The following ZC3H7B variants were observed in gnomAD, a reference collection of about 807,000 sequenced individuals.
The protein encoded by ZC3H7B is zinc finger CCCH domain-containing protein 7B.
ZC3H7B carries 35 observed loss-of-function variants against 116.0 expected under a neutral mutation model. That is an observed-to-expected ratio of 0.30 (90% CI 0.23 to 0.40). ZC3H7B has a LOEUF of 0.40. Among genes scored for constraint, ZC3H7B ranks in the 10% least tolerant of loss-of-function variants. The pLI is 1.00. For missense variants in ZC3H7B, 1,011 were observed against 1,321.5 expected, an observed-to-expected ratio of 0.77 and a Z score of 3.64; for synonymous variants, 502 against 545.6, an observed-to-expected ratio of 0.92 and a Z score of 1.11.
rs1276696569 is a variant in ZC3H7B, at chr22:41,357,665, C to T, written c.*236C>T. 3 of 595,452 alleles carry T rather than the reference C, an allele frequency of 5.0e-6. No homozygotes were observed. In the East Asian group the frequency reaches 8.6e-5, roughly 17 times the overall value. 36.9% of individuals were successfully genotyped at this position (595,452 alleles called of 1,614,324 possible). A position where few individuals can be genotyped will look rare whatever the true frequency, so the allele number is the denominator to read the frequency against. On this transcript the variant is annotated 3_prime_UTR_variant, in exon 23 of 23. Coordinates refer to ENST00000352645, the MANE Select transcript of ZC3H7B (RefSeq NM_017590.6). The surrounding 1 kb of genome is among the most constrained non-coding windows in gnomAD (Gnocchi z 5.4). ...AAACCTGGGCTGCCCTTCCCCCACC[C>T]CCACGGCTCTCCTGGTTGAGGAGGG...
chr22:41,324,471 G>A (rs921736843), intron 2 of ZC3H7B, among the ~76,000 whole-genome samples: 3 of 152,216 alleles, frequency 2.0e-5, no homozygotes, highest in Non-Finnish European at 4.4e-5. Context: ...AGCCTTGGGC[G>A]AGTCCTTGCG....
chr22:41,305,311 C>A (rs961609258), intron 1 of ZC3H7B, among the ~76,000 whole-genome samples: 1 of 151,116 alleles, frequency 6.6e-6, no homozygotes, highest in Non-Finnish European at 1.5e-5. Flanking sequence ...CCACTGCACT[C>A]CAGCCTGGGC....
At chr22:41,308,269 G>A (rs1263841516) in intron 1 of ZC3H7B, among the ~76,000 whole-genome samples, 3 of 152,076 alleles carry the variant, frequency 2.0e-5, no homozygotes, top group African/African-American at 7.2e-5. Flanking sequence ...TTTAGAGGTC[G>A]CCCTGGTTCA....
intron 1 of ZC3H7B, among the ~76,000 whole-genome samples, chr22:41,313,824 C>T (rs1471142268): frequency 6.6e-6 from 1 of 152,028 alleles, no homozygotes; most frequent in East Asian, 1.9e-4. Flanking sequence ...CTCACAGCAA[C>T]TTCCTTCGGT....
At chr22:41,354,523 G>T (rs181877719) in intron 17 of ZC3H7B, among the ~76,000 whole-genome samples, 2 of 152,282 alleles carry the variant, frequency 1.3e-5, no homozygotes, top group Admixed American at 1.3e-4. Context: ...CTGTGGGGGA[G>T]TTCCTATGGC....
In ZC3H7B at chr22:41,351,241, C is replaced by CA. The variant is rs1311568199; in HGVS notation, c.1949-319dup. ...TGGGGGTCAGGGAAGGGTGCTGAGT[C>CA]ACCGGCCCAAGAGACAGGGTCACTG... On this transcript the variant is annotated intron_variant, in intron 16 of 22. Coordinates refer to ENST00000352645, the MANE Select transcript of ZC3H7B (RefSeq NM_017590.6). The surrounding 1 kb of genome is among the most constrained non-coding windows in gnomAD (Gnocchi z 5.1). Among the ~76,000 whole-genome samples the CA allele has an allele frequency of 2.6e-5, 4 of 152,284 alleles. No homozygotes were observed. In the Middle Eastern group the frequency reaches 0.01, roughly 388 times the overall value.
chr22:41,359,495 A>T lies in ZC3H7B; in HGVS notation c.*2066A>T, dbSNP rs1435135065. ...TCAGAGGTGATTCGGGCAGCCAGGG[A>T]CAGGAGCCACCCTCCCCAGGCCCAA... On this transcript the variant is annotated 3_prime_UTR_variant, in exon 23 of 23. Coordinates refer to ENST00000352645, the MANE Select transcript of ZC3H7B (RefSeq NM_017590.6). The T allele has an allele frequency of 6.6e-6, 1 of 152,174 alleles. No individual in the cohort carries two copies. The highest frequency in any genetic ancestry group is 6.5e-5 in the Admixed American group (1 of 15,268). 9.4% of individuals were successfully genotyped at this position (152,174 alleles called of 1,614,324 possible). A position where few individuals can be genotyped will look rare whatever the true frequency, so the allele number is the denominator to read the frequency against.
rs765018176 is a variant in ZC3H7B, at chr22:41,327,856, G to T, written c.444+492G>T. On this transcript the variant is annotated intron_variant, in intron 5 of 22. Transcript: ENST00000352645. This position sits in a 1 kb window ranked among gnomAD's most constrained non-coding sequence, Gnocchi z 4.5. ...GACCCTTTCTTGGCCAGACACAGTG[G>T]CTCATGCCTGTAATCCCAGCACTGT... 7.2e-5 allele frequency among the ~76,000 whole-genome samples: 11 copies of T among 152,236 alleles called. No individual in the cohort carries two copies. The highest frequency in any genetic ancestry group is 1.3e-4 in the Non-Finnish European group (9 of 68,050).
chr22:41,309,121 C>T (rs916256566), intron 1 of ZC3H7B, among the ~76,000 whole-genome samples: 4 of 148,832 alleles, frequency 2.7e-5, no homozygotes, highest in Non-Finnish European at 5.9e-5. Flanking sequence ...ATGCCATTCT[C>T]CTGCCTCAGC....
intron 1 of ZC3H7B, among the ~76,000 whole-genome samples, chr22:41,303,958 C>T (rs985738478): frequency 6.6e-6 from 1 of 152,186 alleles, no homozygotes; most frequent in South Asian, 2.1e-4. Flanking sequence ...GGGGTTTCAC[C>T]GTGTTAGCCA....
chr22:41,309,008 CT>C lies in ZC3H7B; in HGVS notation c.-7+7257del, dbSNP rs57147100. On this transcript the variant is annotated intron_variant, in intron 1 of 22. Transcript: ENST00000352645. ...GGGCCTTCCCTAAACTCCCAGTCTG[CT>C]TTTTTTTTTTTTTTTTTTTTGAGAC... Among the ~76,000 whole-genome samples the C allele has an allele frequency of 3.1e-3, 325 of 103,284 alleles. 1 individual carries two copies. The highest frequency in any genetic ancestry group is 3.8e-3 in the Non-Finnish European group (197 of 51,566). The allele number at this position is 103,284 out of a possible 152,430, so 67.8% of individuals were successfully genotyped here. A position where few individuals can be genotyped will look rare whatever the true frequency, so the allele number is the denominator to read the frequency against.
intron 5 of ZC3H7B, among the ~76,000 whole-genome samples, chr22:41,329,331 T>C (rs1601777222): frequency 6.8e-6 from 1 of 147,448 alleles, no homozygotes; most frequent in African/African-American, 2.5e-5. Flanking sequence ...CAGTCTTGGC[T>C]CACTGCAACC....
Position 41,355,460 on chromosome 22 carries a change from C to A in ZC3H7B, c.2035-9C>A. The A allele has an allele frequency of 6.2e-7, 1 of 1,613,658 alleles. No homozygotes were observed. Among genetic ancestry groups the A allele is most frequent in the Middle Eastern group, 1.7e-4 (1 of 6,056 alleles). On this transcript the variant is annotated splice_polypyrimidine_tract_variant and intron_variant, in intron 17 of 22. Coordinates refer to ENST00000352645, the MANE Select transcript of ZC3H7B (RefSeq NM_017590.6). The stretch of plus-strand genomic sequence containing the variant: ...AGCTTCACCAACCCCCCTCCCCATC[C>A]CCCCACAGGGTGCTCCGAGGACACA...
In ZC3H7B at chr22:41,357,762, G is replaced by A. The variant is rs1239952318; in HGVS notation, c.*333G>A. On this transcript the variant is annotated 3_prime_UTR_variant, in exon 23 of 23. Transcript: ENST00000352645. This position sits in a 1 kb window ranked among gnomAD's most constrained non-coding sequence, Gnocchi z 5.4. ...TGTCTGCTCCTAATGGGGGCCCAAAGCTCAGGGCTGGGGAGCCTGGGGTCC... is the reference window on the plus strand; with the variant it reads ...TGTCTGCTCCTAATGGGGGCCCAAAACTCAGGGCTGGGGAGCCTGGGGTCC... 1 of 358,620 alleles carries A rather than the reference G, an allele frequency of 2.8e-6. No homozygotes were observed. The highest frequency in any genetic ancestry group is 5.2e-6 in the Non-Finnish European group (1 of 191,092). 22.2% of individuals were successfully genotyped at this position (358,620 alleles called of 1,614,324 possible).
intron 17 of ZC3H7B, among the ~76,000 whole-genome samples, chr22:41,352,757 G>A (rs1306887716): frequency 5.3e-5 from 8 of 151,554 alleles, no homozygotes; most frequent in South Asian, 4.2e-4. Context: ...GTGAGACTCC[G>A]TCTCAAAAAA....
In ZC3H7B at chr22:41,348,115, T is replaced by C. The variant is rs1471858741; in HGVS notation, c.1714T>C (p.Ser572Pro). The change falls in exon 15 of 23, where the codon TCT (serine) becomes CCT (proline). Residue 572 changes from serine to proline, a missense_variant. This residue lies in a region of ZC3H7B where 406 missense variants were observed against 590.2 expected (regional missense o/e 0.69). Coordinates refer to ENST00000352645, the MANE Select transcript of ZC3H7B (RefSeq NM_017590.6). ...GATCATCAGCAAAGGCACCAAGGAC[T>C]CTCCGTCTGTCTGCTCCAACCTGGC... is the stretch of plus-strand genomic sequence containing the variant. ...PRIISKGTKDSPSVCSNLAAK... is the reference protein window; with the variant it reads ...PRIISKGTKDPPSVCSNLAAK... 12 of 1,613,984 alleles carry C rather than the reference T, an allele frequency of 7.4e-6. No homozygotes were observed. The highest frequency in any genetic ancestry group is 1.0e-5 in the Non-Finnish European group (12 of 1,179,970).
intron 1 of ZC3H7B, among the ~76,000 whole-genome samples, chr22:41,318,810 C>T (rs1045562366): frequency 5.9e-5 from 9 of 152,160 alleles, no homozygotes; most frequent in Non-Finnish European, 1.2e-4. Flanking sequence ...CTCCCCACTG[C>T]CCACTCTGCT....
Position 41,349,170 on chromosome 22 carries a change from G to T in ZC3H7B, c.1817G>T (p.Arg606Leu). The change falls in exon 16 of 23, where the codon CGC becomes CTC. Residue 606 changes from arginine (R) to leucine (L), a missense_variant. Arg to Leu is a moderately radical substitution (Grantham distance 102). Transcript: ENST00000352645. This position sits in a 1 kb window ranked among gnomAD's most constrained non-coding sequence, Gnocchi z 4.9. ...RSTSLKYSKI[R>L]QFQEHFQFDV... is the part of the protein sequence containing the mutation. ...ACCTCCCTCAAGTACTCCAAGATCCGCCAGTTCCAGGAGCACTTCCAGTTC... is the reference window on the plus strand; with the variant it reads ...ACCTCCCTCAAGTACTCCAAGATCCTCCAGTTCCAGGAGCACTTCCAGTTC... The T allele has an allele frequency of 1.2e-6, 2 of 1,613,856 alleles. No homozygotes were observed. The highest frequency in any genetic ancestry group is 1.7e-6 in the Non-Finnish European group (2 of 1,180,014).
intron 17 of ZC3H7B, among the ~76,000 whole-genome samples, chr22:41,352,691 G>T (rs913866864): frequency 9.9e-5 from 15 of 151,982 alleles, no homozygotes; most frequent in African/African-American, 3.6e-4. Flanking sequence ...GAACCCGGGA[G>T]GTGGAGGTTG....
Sources: allele counts gnomAD v4.1 joint callset (sites outside exome capture counted in the v4.1 genomes callset), GRCh38; gene constraint gnomAD v4.1.1; regional missense constraint gnomAD v4.1.1; non-coding constraint Gnocchi (gnomAD v3.1); transcripts MANE v1.5; gene names NCBI Gene and HGNC (gene_info 2026-07-23, HGNC 2026-07-21).